Variants in OPHN1 observed in about 807,000 individuals in gnomAD.
OPHN1 encodes oligophrenin-1.
OPHN1 carries 11 observed loss-of-function variants against 60.7 expected under a neutral mutation model. That is an observed-to-expected ratio of 0.18 (90% CI 0.11 to 0.30). The LOEUF (loss-of-function observed/expected upper bound fraction) is 0.30. Among genes scored for constraint, OPHN1 ranks in the 10% least tolerant of loss-of-function variants. The pLI is 1.00. For synonymous variants in OPHN1, 226 were observed against 222.6 expected, an observed-to-expected ratio of 1.02 and a Z score of -0.14; for missense variants, 449 against 611.0, an observed-to-expected ratio of 0.73 and a Z score of 2.80.
intron 15 of OPHN1, among the ~76,000 whole-genome samples, chrX:68,141,035 C>A (rs1199281901): frequency 8.9e-6 from 1 of 111,813 alleles, no homozygotes; most frequent in Non-Finnish European, 1.9e-5. Flanking sequence ...GGACACCAAA[C>A]AAGAACTTGA....
intron 2 of OPHN1, among the ~76,000 whole-genome samples, chrX:68,369,813 G>A (rs7880253): frequency 0.011 from 1,195 of 107,025 alleles, 19 homozygotes; most frequent in African/African-American, 0.039. Context: ...CATCTAAGAA[G>A]CTTAAACTCA....
intron 16 of OPHN1, among the ~76,000 whole-genome samples, chrX:68,115,696 G>A (rs924739551): frequency 8.9e-6 from 1 of 111,819 alleles, no homozygotes; most frequent in Non-Finnish European, 1.9e-5. Context: ...AGTTAAGAAG[G>A]AACTGGGGAG....
intron 6 of OPHN1, among the ~76,000 whole-genome samples, chrX:68,227,356 A>G (rs937360266): frequency 1.8e-5 from 2 of 111,031 alleles, no homozygotes; most frequent in Non-Finnish European, 3.8e-5. Context: ...AACGAGACAG[A>G]AAGTTAACAA....
In OPHN1 at chrX:68,402,273, G is replaced by A. The variant is rs2078718479; in HGVS notation, c.154+30594C>T. ...TGAGAGAGGAAAGAAAGAAAGAAGG[G>A]GAGAAGAAAGAAGGGAGAAAGAAAA... On this transcript the variant is annotated intron_variant, in intron 2 of 24. Transcript: ENST00000355520. 2.9e-5 allele frequency among the ~76,000 whole-genome samples: 3 copies of A among 103,805 alleles called. No homozygotes were observed. In the Admixed American group the frequency reaches 3.2e-4, roughly 11 times the overall value. 90.1% of individuals were successfully genotyped at this position (103,805 alleles called of 115,157 possible).
intron 2 of OPHN1, among the ~76,000 whole-genome samples, chrX:68,308,077 A>C (rs1228765573): frequency 8.9e-6 from 1 of 112,364 alleles, no homozygotes; most frequent in Non-Finnish European, 1.9e-5. Flanking sequence ...CTAAGACAGG[A>C]GTTTTAGTCT....
At chrX:68,070,665 A>G in intron 20 of OPHN1, 1 of 873,487 alleles carries the variant, frequency 1.1e-6, no homozygotes, top group Non-Finnish European at 1.7e-6. Flanking sequence ...ACCACCTATG[A>G]TGGTAATGCA....
intron 19 of OPHN1, among the ~76,000 whole-genome samples, chrX:68,075,794 A>C (rs914242278): frequency 8.2e-5 from 9 of 109,199 alleles, no homozygotes; most frequent in East Asian, 2.8e-4. Context: ...AAAAAAAAAA[A>C]AAAAAAACTT....
intron 2 of OPHN1, among the ~76,000 whole-genome samples, chrX:68,383,204 A>C (rs1262529329): frequency 9.0e-6 from 1 of 111,004 alleles, no homozygotes; most frequent in Admixed American, 9.7e-5. Flanking sequence ...TCAGAAATGA[A>C]GGAGGAGAAA....
chrX:68,190,801 C>T (rs764956079), intron 15 of OPHN1, among the ~76,000 whole-genome samples: 13 of 112,270 alleles, frequency 1.2e-4, no homozygotes, highest in African/African-American at 4.2e-4. Flanking sequence ...ATATGCTGGA[C>T]CACGATGTCA....
chrX:68,217,611 G>C (rs937465752), intron 6 of OPHN1, among the ~76,000 whole-genome samples: 17 of 110,157 alleles, frequency 1.5e-4, no homozygotes, highest in African/African-American at 5.6e-4. Context: ...CCTCAAGTGG[G>C]TCCCTGACCC....
At chrX:68,240,757 G>A (rs1181058077) in intron 5 of OPHN1, among the ~76,000 whole-genome samples, 1 of 110,587 alleles carries the variant, frequency 9.0e-6, no homozygotes, top group Non-Finnish European at 1.9e-5. Flanking sequence ...AGTCTTATAT[G>A]TCCAGCTGTT....
chrX:68,243,207 T>A (rs1003123130), intron 5 of OPHN1, among the ~76,000 whole-genome samples: 9 of 110,818 alleles, frequency 8.1e-5, no homozygotes, highest in African/African-American at 3.0e-4. Context: ...TAAATTAGAC[T>A]TTACCAGGGC....
In OPHN1 at chrX:68,433,293, A is replaced by C. The variant is rs2078895414; in HGVS notation, c.-130T>G. 3 of 363,587 alleles carry C rather than the reference A, an allele frequency of 8.3e-6. No individual in the cohort carries two copies. The Admixed American group carries it at 1.5e-4, about 18-fold the overall frequency. 30.0% of individuals were successfully genotyped at this position (363,587 alleles called of 1,213,427 possible). A position where few individuals can be genotyped will look rare whatever the true frequency, so the allele number is the denominator to read the frequency against. On this transcript the variant is annotated 5_prime_UTR_variant, in exon 1 of 25. Coordinates refer to ENST00000355520, the MANE Select transcript of OPHN1 (RefSeq NM_002547.3). The stretch of plus-strand genomic sequence containing the variant: ...GATCCCGGCAGGGTGCTGCCTAGCA[A>C]GCAGCATGTCCCTTAGGCATCGCCT...
intron 5 of OPHN1, among the ~76,000 whole-genome samples, chrX:68,271,783 C>T (rs959419669): frequency 1.8e-5 from 2 of 110,720 alleles, no homozygotes; most frequent in Non-Finnish European, 3.8e-5. Flanking sequence ...GTATGAGGGC[C>T]CTGCAGAGAG....
chrX:68,433,065 A>G, intron 1 of OPHN1, 41 bp from the exon 2 acceptor site: 1 of 1,143,525 alleles, frequency 8.7e-7, no homozygotes, highest in Non-Finnish European at 1.2e-6. Flanking sequence ...AGACACAAAG[A>G]CCGAGAGCAT....
At chrX:68,345,862 G>A (rs747262975) in intron 2 of OPHN1, among the ~76,000 whole-genome samples, 7 of 111,916 alleles carry the variant, frequency 6.3e-5, no homozygotes, top group East Asian at 2.8e-4. Context: ...TGGGTTAATC[G>A]GCTCACGCCT....
intron 2 of OPHN1, among the ~76,000 whole-genome samples, chrX:68,379,280 G>A (rs2078581071): frequency 8.9e-6 from 1 of 111,796 alleles, no homozygotes; most frequent in African/African-American, 3.3e-5. Context: ...CATTGATTTT[G>A]TATCCTGAGA....
intron 19 of OPHN1, among the ~76,000 whole-genome samples, chrX:68,083,253 T>C (rs1405521174): frequency 9.6e-6 from 1 of 104,383 alleles, no homozygotes; most frequent in Non-Finnish European, 2.0e-5. Context: ...TTTGTATTTT[T>C]AGTAGAGACG....
chrX:68,304,605 A>G (rs2078136552), intron 2 of OPHN1, among the ~76,000 whole-genome samples: 1 of 111,783 alleles, frequency 8.9e-6, no homozygotes, highest in Admixed American at 9.6e-5. Flanking sequence ...AGGGCTTAGC[A>G]TTCTTTAAAT....
Sources: gnomAD v4.1 joint callset for allele counts (sites outside exome capture counted in the v4.1 genomes callset) on GRCh38, gnomAD v4.1.1 for gene constraint, MANE v1.5 for transcripts, NCBI Gene and HGNC (gene_info 2026-07-23, HGNC 2026-07-21) for gene names.